SLC12A6: variants seen among roughly 807,000 people sequenced by gnomAD.
SLC12A6 encodes solute carrier family 12 member 6.
In SLC12A6, 66 loss-of-function variants were observed where a neutral mutation model predicts 135.3. The observed-to-expected ratio is 0.49, with a 90% confidence interval of 0.40 to 0.60. SLC12A6 has a LOEUF of 0.60. Ranked by LOEUF, SLC12A6 falls within the 20% of genes least tolerant of loss-of-function variation. The pLI is 0.00. For synonymous variants in SLC12A6, 513 were observed against 508.8 expected, an observed-to-expected ratio of 1.01 and a Z score of -0.11; for missense variants, 1,058 against 1,452.3, an observed-to-expected ratio of 0.73 and a Z score of 4.41.
intron 2 of SLC12A6, among the ~76,000 whole-genome samples, chr15:34,290,913 G>A (rs897263540): frequency 2.0e-5 from 3 of 152,148 alleles, no homozygotes; most frequent in East Asian, 1.9e-4. Context: ...ACAGCACACC[G>A]ATAGGTCTTG....
chr15:34,269,924 A>G (rs890062902), intron 3 of SLC12A6, among the ~76,000 whole-genome samples: 3 of 152,212 alleles, frequency 2.0e-5, no homozygotes, highest in Admixed American at 2.0e-4. Flanking sequence ...TTAATTTATG[A>G]GAGGTCACCA....
chr15:34,309,198 G>A (rs547855748), intron 2 of SLC12A6, among the ~76,000 whole-genome samples: 1 of 152,084 alleles, frequency 6.6e-6, no homozygotes, highest in Non-Finnish European at 1.5e-5. Context: ...TCCTCTTTCA[G>A]CCTGGCCAAA....
intron 2 of SLC12A6, among the ~76,000 whole-genome samples, chr15:34,300,793 CAAAAAAAAAA>C (rs71763739): frequency 0.52 from 51,381 of 99,030 alleles, 11,124 homozygotes; most frequent in African/African-American, 0.69. Flanking sequence ...GACTCCGTCT[CAAAAAAAAAA>C]AAAAAAAAAA....
intron 2 of SLC12A6, among the ~76,000 whole-genome samples, chr15:34,317,573 G>A (rs145719616): frequency 0.05 from 7,104 of 141,006 alleles, 182 homozygotes; most frequent in Non-Finnish European, 0.064. Context: ...CGTGGTGGCA[G>A]GCATCTGTAA....
intron 2 of SLC12A6, among the ~76,000 whole-genome samples, chr15:34,305,727 ATTT>A (rs1308813112): frequency 6.7e-6 from 1 of 149,090 alleles, no homozygotes; most frequent in Non-Finnish European, 1.5e-5. Flanking sequence ...GCCCATTATT[ATTT>A]TCATGTTCAA....
intron 3 of SLC12A6, among the ~76,000 whole-genome samples, chr15:34,267,574 C>T (rs904957760): frequency 3.3e-5 from 5 of 152,202 alleles, no homozygotes; most frequent in African/African-American, 9.7e-5. Flanking sequence ...CCAGGCTGGG[C>T]GCAGCAGCCC....
chr15:34,277,442 C>A (rs182850985), intron 2 of SLC12A6, among the ~76,000 whole-genome samples: 1 of 151,908 alleles, frequency 6.6e-6, no homozygotes, highest in African/African-American at 2.4e-5. Context: ...TCTCCCCCAA[C>A]CCCCCACTAT....
At chr15:34,312,866 A>G (rs1392377547) in intron 2 of SLC12A6, among the ~76,000 whole-genome samples, 3 of 152,148 alleles carry the variant, frequency 2.0e-5, no homozygotes, top group Non-Finnish European at 4.4e-5. Flanking sequence ...CATTATAACT[A>G]TACTTGTTTA....
chr15:34,333,509 G>A (rs1442708602), intron 2 of SLC12A6, among the ~76,000 whole-genome samples: 1 of 152,028 alleles, frequency 6.6e-6, no homozygotes, highest in Non-Finnish European at 1.5e-5. Context: ...AGGATTACAG[G>A]CGTGAGCCAC....
intron 3 of SLC12A6, among the ~76,000 whole-genome samples, chr15:34,267,845 T>C (rs1423507639): frequency 6.6e-6 from 1 of 152,234 alleles, no homozygotes; most frequent in Non-Finnish European, 1.5e-5. Context: ...CATTAAGATG[T>C]ATCTAGGTGT....
chr15:34,284,192 A>G (rs1040429324), intron 2 of SLC12A6, among the ~76,000 whole-genome samples: 6 of 151,406 alleles, frequency 4.0e-5, no homozygotes, highest in Admixed American at 3.3e-4. Context: ...TGATGGAGGG[A>G]GGCAGGTTGA....
rs1028189260 is a variant in SLC12A6 at position 34,239,272 on chromosome 15, A to G, written c.2437-112T>C. 20 of 818,492 alleles carry G rather than the reference A, an allele frequency of 2.4e-5. No individual in the cohort carries two copies. The African/African-American group carries it at 2.7e-4, about 11-fold the overall frequency. 50.7% of individuals were successfully genotyped at this position (818,492 alleles called of 1,614,324 possible). ...CTTTTTCCAAAGTCTTCATAATACT[A>G]TATCATCTACAGAAAAGTCCAAAAA... On this transcript the variant is annotated intron_variant, in intron 19 of 25. Transcript: ENST00000354181.
intron 2 of SLC12A6, among the ~76,000 whole-genome samples, chr15:34,305,231 C>T (rs1470699369): frequency 6.6e-6 from 1 of 152,174 alleles, no homozygotes; most frequent in African/African-American, 2.4e-5. Context: ...TGATCTCCCC[C>T]AGAACTTCAT....
At chr15:34,271,610 C>CACACACAT (rs1002370769) in intron 3 of SLC12A6, among the ~76,000 whole-genome samples, 4 of 151,600 alleles carry the variant, frequency 2.6e-5, no homozygotes, top group African/African-American at 9.7e-5. Flanking sequence ...GCTACACACA[C>CACACACAT]ACACACACAC....
At chr15:34,275,428 A>G (rs1400302026) in intron 2 of SLC12A6, 39 bp from the exon 3 acceptor site, 1 of 1,164,888 alleles carries the variant, frequency 8.6e-7, no homozygotes, top group South Asian at 1.2e-5. Context: ...AAAAAAATGA[A>G]TGATCAAAAC....
intron 6 of SLC12A6, 178 bp downstream of exon 6, chr15:34,257,464 C>CT (rs1456727841): frequency 2.4e-5 from 15 of 620,760 alleles, no homozygotes. Flanking sequence ...CAAGCAGTGA[C>CT]TAACAGGCAC....
chr15:34,269,475 A>C (rs1400495600), intron 3 of SLC12A6, among the ~76,000 whole-genome samples: 1 of 152,222 alleles, frequency 6.6e-6, no homozygotes, highest in Non-Finnish European at 1.5e-5. Flanking sequence ...TGATCTTGTC[A>C]AATGGCCTTT....
chr15:34,248,577 C>T (rs1292494005), intron 13 of SLC12A6, among the ~76,000 whole-genome samples: 3 of 151,872 alleles, frequency 2.0e-5, no homozygotes, highest in Non-Finnish European at 4.4e-5. Context: ...CCCACACACA[C>T]ACACACACAC....
chr15:34,252,445 G>A, intron 9 of SLC12A6, 61 bp from the exon 10 acceptor site: 1 of 998,448 alleles, frequency 1.0e-6, no homozygotes, highest in Non-Finnish European at 1.6e-6. Flanking sequence ...TAAAAAAAAA[G>A]GAAACAGGTT....
Sources: gnomAD v4.1 joint callset for allele counts (sites outside exome capture counted in the v4.1 genomes callset) on GRCh38, gnomAD v4.1.1 for gene constraint, MANE v1.5 for transcripts, NCBI Gene and HGNC (gene_info 2026-07-23, HGNC 2026-07-21) for gene names.